CENPW: variants seen among roughly 807,000 people sequenced by gnomAD.
CENPW encodes cancer-up-regulated gene 2 protein.
Under a neutral mutation model 11.1 loss-of-function variants are expected in CENPW, and 3 were observed. The ratio of observed to expected loss-of-function variants is 0.27; its 90% CI spans 0.12 to 0.70. The LOEUF is 0.70. CENPW is among the 30% of genes least tolerant of loss of function. CENPW has a pLI of 0.77. For synonymous variants in CENPW, 38 were observed against 42.0 expected, an observed-to-expected ratio of 0.91 and a Z score of 0.37; for missense variants, 100 against 105.6, an observed-to-expected ratio of 0.95 and a Z score of 0.23.
the CENPW span, among the ~76,000 whole-genome samples, chr6:126,379,963 A>G: frequency 6.6e-6 from 1 of 152,192 alleles, no homozygotes; most frequent in Non-Finnish European, 1.5e-5. Flanking sequence ...ATGAATTTAA[A>G]TATTTCAATC....
chr6:126,415,950 G>A, the CENPW span, among the ~76,000 whole-genome samples: 1 of 152,184 alleles, frequency 6.6e-6, no homozygotes, highest in Non-Finnish European at 1.5e-5. Flanking sequence ...ACCTGAAAAT[G>A]TGGAAGCAAC....
the CENPW span, among the ~76,000 whole-genome samples, chr6:126,435,759 T>C: frequency 6.6e-6 from 1 of 151,908 alleles, no homozygotes; most frequent in African/African-American, 2.4e-5. Flanking sequence ...TAGAGGCATC[T>C]GAAAACCTTT....
chr6:126,357,190 G>A, the CENPW span, among the ~76,000 whole-genome samples: 1 of 152,150 alleles, frequency 6.6e-6, no homozygotes, highest in Non-Finnish European at 1.5e-5. Flanking sequence ...TTGAATGGGG[G>A]TGCTTTCTTC....
chr6:126,347,517 C>T (rs1780432953), intron 2 of CENPW, among the ~76,000 whole-genome samples: 1 of 152,032 alleles, frequency 6.6e-6, no homozygotes, highest in Non-Finnish European at 1.5e-5. Context: ...TTCAAACTTT[C>T]TTTTGAAGTA....
At chr6:126,354,064 G>GT in the CENPW span, among the ~76,000 whole-genome samples, 1,279 of 148,924 alleles carry the variant, frequency 8.6e-3, 14 homozygotes, top group African/African-American at 0.03. Flanking sequence ...TGGAGTATCT[G>GT]TTTTTTTTTC....
chr6:126,439,417 A>C, the CENPW span, among the ~76,000 whole-genome samples: 1 of 151,650 alleles, frequency 6.6e-6, no homozygotes, highest in Non-Finnish European at 1.5e-5. Flanking sequence ...CTGACATTGG[A>C]CTGATAACCC....
the CENPW span, among the ~76,000 whole-genome samples, chr6:126,457,755 A>G: frequency 1.6e-4 from 24 of 151,482 alleles, no homozygotes; most frequent in African/African-American, 5.3e-4. Flanking sequence ...TGGAAAAGCA[A>G]AATGGCTTAT....
chr6:126,366,600 A>G, the CENPW span, among the ~76,000 whole-genome samples: 2 of 152,164 alleles, frequency 1.3e-5, no homozygotes, highest in African/African-American at 4.8e-5. Context: ...TAAAATATAT[A>G]TCATATACTC....
In CENPW at chr6:126,348,699, T is replaced by C; in HGVS notation, c.*207T>C. 1 of 365,320 alleles carries C rather than the reference T, an allele frequency of 2.7e-6. No individual in the cohort carries two copies. Among genetic ancestry groups the C allele is most frequent in the East Asian group, 4.5e-5 (1 of 22,460 alleles). The allele number at this position is 365,320 out of a possible 1,614,324, so 22.6% of individuals were successfully genotyped here. ...CTTTTATGGGAATTACTATTATTTT[T>C]ATTTTAAATGTCCTCTAGTTCAGTT... On this transcript the variant is annotated 3_prime_UTR_variant, in exon 3 of 3. Coordinates refer to ENST00000368328, the MANE Select transcript of CENPW (RefSeq NM_001012507.4).
chr6:126,480,439 A>G, the CENPW span, among the ~76,000 whole-genome samples: 1 of 151,946 alleles, frequency 6.6e-6, no homozygotes, highest in East Asian at 1.9e-4. Flanking sequence ...CATTTCACTT[A>G]CTTTATGACT....
the CENPW span, among the ~76,000 whole-genome samples, chr6:126,419,646 A>C: frequency 6.7e-6 from 1 of 149,222 alleles, no homozygotes; most frequent in Admixed American, 6.9e-5. Flanking sequence ...CAGAAGTCCG[A>C]AATTGGTTTC....
the CENPW span, among the ~76,000 whole-genome samples, chr6:126,398,343 A>T: frequency 2.0e-5 from 3 of 152,184 alleles, no homozygotes; most frequent in African/African-American, 7.2e-5. Flanking sequence ...GGTGCCAAAT[A>T]AATATGTGTT....
the CENPW span, among the ~76,000 whole-genome samples, chr6:126,357,762 C>A: frequency 2.0e-5 from 3 of 152,094 alleles, no homozygotes; most frequent in Non-Finnish European, 4.4e-5. Flanking sequence ...GCATGTGCCA[C>A]CACACCTGGC....
the CENPW span, among the ~76,000 whole-genome samples, chr6:126,446,305 A>G: frequency 6.6e-6 from 1 of 151,078 alleles, no homozygotes; most frequent in South Asian, 2.1e-4. Context: ...TTTCCTTCTT[A>G]TAATTTTGCT....
At chr6:126,438,048 C>A in the CENPW span, among the ~76,000 whole-genome samples, 1 of 151,074 alleles carries the variant, frequency 6.6e-6, no homozygotes, top group Non-Finnish European at 1.5e-5. Flanking sequence ...ACAGAGAGAC[C>A]TTTAAAATTG....
the CENPW span, among the ~76,000 whole-genome samples, chr6:126,377,323 C>A: frequency 1.3e-5 from 2 of 152,106 alleles, no homozygotes; most frequent in Non-Finnish European, 2.9e-5. Context: ...TACCCAGCAT[C>A]CTATTATGAA....
the CENPW span, among the ~76,000 whole-genome samples, chr6:126,467,431 G>A: frequency 5.9e-5 from 9 of 152,040 alleles, no homozygotes; most frequent in Admixed American, 2.6e-4. Flanking sequence ...GGAAAACTAC[G>A]AAGTAAGGAA....
At chr6:126,406,112 C>A in the CENPW span, among the ~76,000 whole-genome samples, 7 of 152,198 alleles carry the variant, frequency 4.6e-5, no homozygotes, top group African/African-American at 1.4e-4. Flanking sequence ...TCCTTAATTG[C>A]ATTGAAGTAC....
At chr6:126,374,645 G>A in the CENPW span, among the ~76,000 whole-genome samples, 2 of 152,166 alleles carry the variant, frequency 1.3e-5, no homozygotes, top group South Asian at 2.1e-4. Context: ...CTGTGAACAC[G>A]TAAGTCTTGA....
Sources: allele counts gnomAD v4.1 joint callset (sites outside exome capture counted in the v4.1 genomes callset), GRCh38; gene constraint gnomAD v4.1.1; transcripts MANE v1.5; gene names NCBI Gene and HGNC (gene_info 2026-07-23, HGNC 2026-07-21).